Variants in UBE2E2 observed in about 807,000 individuals in gnomAD.
UBE2E2 encodes ubiquitin-conjugating enzyme E2 E2.
A neutral mutation model predicts 24.7 loss-of-function variants in UBE2E2; 6 were observed. The ratio of observed to expected loss-of-function variants is 0.24; its 90% confidence interval spans 0.13 to 0.48. The LOEUF (loss-of-function observed/expected upper bound fraction) is 0.48. Ranked by LOEUF, UBE2E2 falls within the 20% of genes least tolerant of loss-of-function variation. The pLI is 0.99. For missense variants in UBE2E2, 169 were observed against 245.0 expected, an observed-to-expected ratio of 0.69 and a Z score of 2.07; for synonymous variants, 104 against 83.6, an observed-to-expected ratio of 1.24 and a Z score of -1.33.
intron 3 of UBE2E2, among the ~76,000 whole-genome samples, chr3:23,277,957 G>C (rs190632916): frequency 5.9e-5 from 9 of 152,168 alleles, no homozygotes; most frequent in Admixed American, 5.9e-4. Context: ...CTCTTCTTGG[G>C]CGTGATACCC....
intron 3 of UBE2E2, among the ~76,000 whole-genome samples, chr3:23,325,812 A>T (rs1426778072): frequency 6.6e-6 from 1 of 152,188 alleles, no homozygotes. Context: ...ATAACTAGGG[A>T]GCCCTTATAT....
intron 3 of UBE2E2, among the ~76,000 whole-genome samples, chr3:23,385,316 G>GT (rs1420256089): frequency 2.0e-5 from 3 of 152,144 alleles, no homozygotes; most frequent in African/African-American, 7.2e-5. Flanking sequence ...AAAAATGATT[G>GT]TTTCTTGTCT....
intron 3 of UBE2E2, among the ~76,000 whole-genome samples, chr3:23,341,041 C>G (rs1039456407): frequency 6.6e-5 from 10 of 152,262 alleles, no homozygotes; most frequent in African/African-American, 2.4e-4. Flanking sequence ...ATGAATGTTT[C>G]TTTTGAAATG....
chr3:23,430,206 G>A (rs1698025976), intron 3 of UBE2E2, among the ~76,000 whole-genome samples: 2 of 152,144 alleles, frequency 1.3e-5, no homozygotes, highest in South Asian at 2.1e-4. Flanking sequence ...TCTTATCTCT[G>A]CCACCTTCTA....
intron 5 of UBE2E2, among the ~76,000 whole-genome samples, chr3:23,586,419 C>A (rs551156532): frequency 1.4e-4 from 22 of 152,122 alleles, no homozygotes; most frequent in Non-Finnish European, 2.4e-4. Context: ...CTCAGCCTCT[C>A]AAGTAGGCTG....
intron 3 of UBE2E2, among the ~76,000 whole-genome samples, chr3:23,404,575 A>T (rs1300810838): frequency 6.6e-6 from 1 of 152,194 alleles, no homozygotes; most frequent in East Asian, 1.9e-4. Flanking sequence ...TTGGAATTGT[A>T]TAAGTAACAG....
intron 3 of UBE2E2, among the ~76,000 whole-genome samples, chr3:23,480,902 T>C (rs1290921404): frequency 6.6e-6 from 1 of 152,204 alleles, no homozygotes; most frequent in Non-Finnish European, 1.5e-5. Flanking sequence ...AGTCAGTAAT[T>C]GGCGAAACTG....
chr3:23,345,974 T>A (rs569361696), intron 3 of UBE2E2, among the ~76,000 whole-genome samples: 107 of 152,228 alleles, frequency 7.0e-4, no homozygotes, highest in African/African-American at 2.5e-3. Flanking sequence ...AAACTAATGG[T>A]TTTCAACTGT....
chr3:23,399,848 G>A (rs1238201533), intron 3 of UBE2E2, among the ~76,000 whole-genome samples: 8 of 152,116 alleles, frequency 5.3e-5, no homozygotes, highest in Non-Finnish European at 4.4e-5. Flanking sequence ...TATTGCTAGT[G>A]TGGAAATGGA....
chr3:23,276,609 A>AT (rs147504465), intron 3 of UBE2E2, among the ~76,000 whole-genome samples: 6,395 of 152,110 alleles, frequency 0.042, 461 homozygotes, highest in African/African-American at 0.15. Flanking sequence ...GGATCATGCT[A>AT]TTTTTTCCTT....
chr3:23,386,284 C>T (rs888084287), intron 3 of UBE2E2, among the ~76,000 whole-genome samples: 13 of 152,168 alleles, frequency 8.5e-5, no homozygotes, highest in African/African-American at 2.9e-4. Flanking sequence ...TATAGAACAG[C>T]ACCCTCTCCG....
intron 4 of UBE2E2, among the ~76,000 whole-genome samples, chr3:23,501,308 G>A (rs1038920646): frequency 6.6e-6 from 1 of 151,922 alleles, no homozygotes; most frequent in East Asian, 1.9e-4. Context: ...ATTAAACAAA[G>A]CTAGAATAAG....
intron 4 of UBE2E2, among the ~76,000 whole-genome samples, chr3:23,515,207 C>G (rs543867050): frequency 6.6e-6 from 1 of 151,480 alleles, no homozygotes; most frequent in Non-Finnish European, 1.5e-5. Context: ...AGAGATAAAG[C>G]AGATTTAGCA....
intron 5 of UBE2E2, among the ~76,000 whole-genome samples, chr3:23,573,996 A>T (rs920839833): frequency 3.3e-5 from 5 of 151,554 alleles, no homozygotes; most frequent in Non-Finnish European, 7.4e-5. Flanking sequence ...TTGACTGAAT[A>T]AAAAAAAATG....
At chr3:23,542,847 C>T (rs559498736) in intron 5 of UBE2E2, among the ~76,000 whole-genome samples, 2 of 152,188 alleles carry the variant, frequency 1.3e-5, no homozygotes, top group Admixed American at 6.5e-5. Flanking sequence ...AATTTAGACA[C>T]GTTGACCTCA....
intron 3 of UBE2E2, among the ~76,000 whole-genome samples, chr3:23,232,672 A>G (rs1183716657): frequency 6.6e-6 from 1 of 152,246 alleles, no homozygotes; most frequent in East Asian, 1.9e-4. Context: ...CTTAGGATTA[A>G]AAGAGAAGTA....
intron 3 of UBE2E2, among the ~76,000 whole-genome samples, chr3:23,496,702 A>G (rs747895029): frequency 2.0e-5 from 3 of 152,086 alleles, no homozygotes; most frequent in Non-Finnish European, 4.4e-5. Context: ...GCTATTATAA[A>G]TAGTGCTTCA....
At chr3:23,297,947 T>G (rs1337309664) in intron 3 of UBE2E2, among the ~76,000 whole-genome samples, 2 of 151,914 alleles carry the variant, frequency 1.3e-5, no homozygotes, top group Non-Finnish European at 2.9e-5. Flanking sequence ...TTTCTTTGTA[T>G]CCTCTTTTAT....
chr3:23,587,281 AT>A (rs1184930855), intron 5 of UBE2E2, among the ~76,000 whole-genome samples: 1 of 152,036 alleles, frequency 6.6e-6, no homozygotes, highest in East Asian at 1.9e-4. Flanking sequence ...GATATGACAC[AT>A]TTTCCCACCC....
Sources: allele counts gnomAD v4.1 joint callset (sites outside exome capture counted in the v4.1 genomes callset), GRCh38; gene constraint gnomAD v4.1.1; transcripts MANE v1.5; gene names NCBI Gene and HGNC (gene_info 2026-07-23, HGNC 2026-07-21).